The following AFAP1L2 variants were observed in gnomAD, a reference collection of about 807,000 sequenced individuals.
AFAP1L2 encodes the protein actin filament-associated protein 1-like 2.
A neutral mutation model predicts 99.3 loss-of-function variants in AFAP1L2; 46 were observed. That is an observed-to-expected ratio of 0.46 (90% CI 0.37 to 0.59). The LOEUF is 0.59. AFAP1L2 is among the 20% of genes least tolerant of loss of function. The pLI, the probability that AFAP1L2 is intolerant of heterozygous loss-of-function variation, is 0.00. For synonymous variants in AFAP1L2, 397 were observed against 419.1 expected, an observed-to-expected ratio of 0.95 and a Z score of 0.64; for missense variants, 959 against 1,034.9, an observed-to-expected ratio of 0.93 and a Z score of 1.01.
At chr10:114,334,955 A>G (rs2047714320) in intron 2 of AFAP1L2, among the ~76,000 whole-genome samples, 1 of 152,240 alleles carries the variant, frequency 6.6e-6, no homozygotes, top group East Asian at 1.9e-4. Context: ...TCTCAAGAGT[A>G]CAAAACTCAG....
At chr10:114,300,802 A>C (rs1474803443) in intron 13 of AFAP1L2, 112 bp from the exon 14 acceptor site, 11 of 1,421,634 alleles carry the variant, frequency 7.7e-6, no homozygotes, top group Non-Finnish European at 1.0e-5. Flanking sequence ...GTGTTCCAAG[A>C]GATCTCCCTC....
chr10:114,295,812 A>G lies in AFAP1L2; in HGVS notation c.*230T>C, dbSNP rs563926876. Reference sequence around the variant, plus strand: ...CATCCCTAAATACAACGTCTTGTTTACATCCAATAGACTTAGGTCTCCAAA... The same window carrying G: ...CATCCCTAAATACAACGTCTTGTTTGCATCCAATAGACTTAGGTCTCCAAA... On this transcript the variant is annotated 3_prime_UTR_variant, in exon 19 of 19. Transcript: ENST00000304129. 7.4e-7 allele frequency: 1 copy of G among 1,348,818 alleles called. No individual in the cohort carries two copies. The highest frequency in any genetic ancestry group is 1.5e-5 in the African/African-American group (1 of 68,298). 83.6% of individuals were successfully genotyped at this position (1,348,818 alleles called of 1,614,324 possible).
chr10:114,345,122 A>G (rs2049339885), intron 1 of AFAP1L2, among the ~76,000 whole-genome samples: 1 of 150,976 alleles, frequency 6.6e-6, no homozygotes. Flanking sequence ...GGAAAGAAAG[A>G]AAAAGGGATG....
At chr10:114,351,936 G>T (rs1237151024) in intron 1 of AFAP1L2, among the ~76,000 whole-genome samples, 1 of 152,162 alleles carries the variant, frequency 6.6e-6, no homozygotes, top group Admixed American at 6.5e-5. Context: ...TGGCCTTGGG[G>T]AGCTTAATGA....
At chr10:114,393,729 C>T (rs937345225) in intron 1 of AFAP1L2, among the ~76,000 whole-genome samples, 1 of 152,090 alleles carries the variant, frequency 6.6e-6, no homozygotes, top group African/African-American at 2.4e-5. Context: ...GAGTTGGGAG[C>T]GACACCTGGA....
chr10:114,366,214 A>G (rs2053223007), intron 1 of AFAP1L2, among the ~76,000 whole-genome samples: 1 of 152,222 alleles, frequency 6.6e-6, no homozygotes, highest in Non-Finnish European at 1.5e-5. Context: ...CTAACCAAAA[A>G]GCCAAGACTG....
chr10:114,374,964 G>A (rs2054609239), intron 1 of AFAP1L2, among the ~76,000 whole-genome samples: 1 of 152,072 alleles, frequency 6.6e-6, no homozygotes, highest in Admixed American at 6.5e-5. Context: ...ATTCTTCCAG[G>A]TTCACTAAAG....
At chr10:114,337,593 T>G (rs1484283141) in intron 2 of AFAP1L2, among the ~76,000 whole-genome samples, 1 of 151,856 alleles carries the variant, frequency 6.6e-6, no homozygotes, top group Non-Finnish European at 1.5e-5. Context: ...AGCTGCAGAG[T>G]CCACGGAGAG....
intron 1 of AFAP1L2, among the ~76,000 whole-genome samples, chr10:114,346,399 C>G (rs1313643972): frequency 6.6e-6 from 1 of 152,150 alleles, no homozygotes; most frequent in East Asian, 1.9e-4. Context: ...TTTGGGTGTC[C>G]GACAAGGTGC....
At chr10:114,401,103 C>T (rs1589540642) in intron 1 of AFAP1L2, among the ~76,000 whole-genome samples, 1 of 152,158 alleles carries the variant, frequency 6.6e-6, no homozygotes, top group East Asian at 1.9e-4. Flanking sequence ...CTCCAATGCC[C>T]TAGAGCTAAG....
the AFAP1L2 span, chr10:114,281,660 C>T: frequency 1.1e-6 from 1 of 873,090 alleles, no homozygotes; most frequent in Non-Finnish European, 1.4e-6. Context: ...CGTGTGGACA[C>T]TTGTTGTGTG....
chr10:114,326,670 C>T (rs1807927378), intron 4 of AFAP1L2, among the ~76,000 whole-genome samples: 2 of 152,084 alleles, frequency 1.3e-5, no homozygotes, highest in African/African-American at 4.8e-5. Flanking sequence ...GAGTGGAGTC[C>T]GATCTCCAGA....
At chr10:114,366,391 G>A (rs2053258707) in intron 1 of AFAP1L2, among the ~76,000 whole-genome samples, 1 of 152,176 alleles carries the variant, frequency 6.6e-6, no homozygotes, top group East Asian at 1.9e-4. Flanking sequence ...GAAGGGCAGT[G>A]CAGGACCCAC....
intron 1 of AFAP1L2, among the ~76,000 whole-genome samples, chr10:114,397,213 T>A (rs1433914526): frequency 1.3e-5 from 2 of 152,164 alleles, no homozygotes; most frequent in Non-Finnish European, 1.5e-5. Flanking sequence ...ATACTGAACA[T>A]CTCTATCATT....
chr10:114,291,682 C>T (rs1196615639), downstream of AFAP1L2, among the ~76,000 whole-genome samples: 3 of 152,230 alleles, frequency 2.0e-5, no homozygotes, highest in East Asian at 5.8e-4. Context: ...CTAGAGCATC[C>T]TTTGGACGGC....
At chr10:114,299,556 C>T (rs1308288291) in intron 15 of AFAP1L2, 141 bp from the exon 16 acceptor site, 1 of 907,200 alleles carries the variant, frequency 1.1e-6, no homozygotes, top group Non-Finnish European at 1.6e-6. Flanking sequence ...GGACAGGTCC[C>T]TCTACCTCTC....
intron 1 of AFAP1L2, among the ~76,000 whole-genome samples, chr10:114,375,638 G>A (rs567959268): frequency 6.6e-6 from 1 of 152,182 alleles, no homozygotes; most frequent in African/African-American, 2.4e-5. Flanking sequence ...TAGCTTGAAG[G>A]CCCTTGGCTG....
At chr10:114,365,074 C>G (rs2053015772) in intron 1 of AFAP1L2, among the ~76,000 whole-genome samples, 2 of 152,232 alleles carry the variant, frequency 1.3e-5, no homozygotes, top group South Asian at 2.1e-4. Flanking sequence ...CAGCCAAGGG[C>G]TGGCACCCCT....
chr10:114,295,815 TC>T lies in AFAP1L2; in HGVS notation c.*226del. Reference sequence around the variant, plus strand: ...CCCTAAATACAACGTCTTGTTTACATCCAATAGACTTAGGTCTCCAAAGAAG... The same window carrying T: ...CCCTAAATACAACGTCTTGTTTACATCAATAGACTTAGGTCTCCAAAGAAG... On this transcript the variant is annotated 3_prime_UTR_variant, in exon 19 of 19. Coordinates refer to ENST00000304129, the MANE Select transcript of AFAP1L2 (RefSeq NM_001001936.3). 1 of 1,357,826 alleles carries T rather than the reference TC, an allele frequency of 7.4e-7. No homozygotes were observed. The highest frequency in any genetic ancestry group is 9.5e-7 in the Non-Finnish European group (1 of 1,054,856). 84.1% of individuals were successfully genotyped at this position (1,357,826 alleles called of 1,614,324 possible).
Sources: gnomAD v4.1 joint callset for allele counts (sites outside exome capture counted in the v4.1 genomes callset) on GRCh38, gnomAD v4.1.1 for gene constraint, MANE v1.5 for transcripts, NCBI Gene and HGNC (gene_info 2026-07-23, HGNC 2026-07-21) for gene names.